TMEM114: variants seen among roughly 807,000 people sequenced by gnomAD.
The protein encoded by TMEM114 is claudin-26.
A neutral mutation model predicts 6.2 loss-of-function variants in TMEM114; 6 were observed. The observed-to-expected ratio is 0.97, with a 90% CI of 0.53 to 1.91. The LOEUF (loss-of-function observed/expected upper bound fraction) is 1.91, where lower values mean the gene tolerates loss of function less well. TMEM114 is among the 40% of genes most tolerant of loss of function. The pLI is 0.01. For synonymous variants in TMEM114, 104 were observed against 73.0 expected (o/e 1.42, Z -2.16); for missense variants, 218 against 158.3 (o/e 1.38, Z -2.02).
rs187153110 is a variant in TMEM114 at position 8,540,070 on chromosome 16, C to T, written n.213-2244G>A. On this transcript the variant is annotated intron_variant and non_coding_transcript_variant, in intron 2 of 2. Coordinates refer to the TMEM114 transcript ENST00000623677. ...CGACCTCAGCCTAAGGTGATCCACC[C>T]GCCTCAGCCTCCCAAAGTGCTGGGA... is the stretch of plus-strand genomic sequence containing the variant. Among the ~76,000 whole-genome samples the T allele has an allele frequency of 1.6e-4, 25 of 152,172 alleles. No homozygotes were observed. In the East Asian group the frequency reaches 2.5e-3, roughly 15 times the overall value.
chr16:8,583,303 G>T (rs1355247136), intron 2 of TMEM114, among the ~76,000 whole-genome samples: 1 of 152,224 alleles, frequency 6.6e-6, no homozygotes, highest in Non-Finnish European at 1.5e-5. Flanking sequence ...AAAAGCTTGA[G>T]GCTCAGGAAG....
At chr16:8,560,603 G>C (rs894677044) in intron 2 of TMEM114, among the ~76,000 whole-genome samples, 2 of 152,206 alleles carry the variant, frequency 1.3e-5, no homozygotes, top group East Asian at 1.9e-4. Flanking sequence ...GAGATTCTGA[G>C]GCTGGAGTTC....
chr16:8,547,556 C>G (rs1454166387), intron 2 of TMEM114, among the ~76,000 whole-genome samples: 2 of 152,186 alleles, frequency 1.3e-5, no homozygotes, highest in African/African-American at 4.8e-5. Flanking sequence ...CTACGCCTGG[C>G]CAATTTTTGT....
chr16:8,574,272 A>C (rs900110321), intron 2 of TMEM114, among the ~76,000 whole-genome samples: 1 of 152,200 alleles, frequency 6.6e-6, no homozygotes, highest in Non-Finnish European at 1.5e-5. Flanking sequence ...CATGAGAATA[A>C]TACTTGTAAA....
At chr16:8,578,915 G>A (rs1902037772) in intron 2 of TMEM114, among the ~76,000 whole-genome samples, 1 of 152,120 alleles carries the variant, frequency 6.6e-6, no homozygotes, top group Non-Finnish European at 1.5e-5. Flanking sequence ...GGAGGCGGAG[G>A]TCACAGTGAG....
downstream of TMEM114, among the ~76,000 whole-genome samples, chr16:8,564,739 G>C (rs1901467566): frequency 6.6e-6 from 1 of 151,452 alleles, no homozygotes; most frequent in Non-Finnish European, 1.5e-5. Flanking sequence ...GTGAGGGAGG[G>C]AGGGAATGAG....
At position 8,563,947 on chromosome 16, in the gene TMEM114, A is replaced by T. The variant is rs192846691; in HGVS notation, n.212+25266T>A. On this transcript the variant is annotated intron_variant and non_coding_transcript_variant, in intron 2 of 2. Coordinates refer to the TMEM114 transcript ENST00000623677. Reference sequence around the variant, plus strand: ...TAAATGAGTGAGTGAACGAGTAAGTAAATGAGTGAGTGAATGAGTGAATGA... The same window carrying T: ...TAAATGAGTGAGTGAACGAGTAAGTTAATGAGTGAGTGAATGAGTGAATGA... Among the ~76,000 whole-genome samples, 68 of 137,406 alleles carry T rather than the reference A, an allele frequency of 4.9e-4. 4 individuals are homozygous for T. The highest frequency in any genetic ancestry group is 1.9e-3 in the African/African-American group (67 of 35,116). The allele number at this position is 137,406 out of a possible 152,430, so 90.1% of individuals were successfully genotyped here. A position where few individuals can be genotyped will look rare whatever the true frequency, so the allele number is the denominator to read the frequency against.
At chr16:8,550,871 A>G (rs575454680) in intron 2 of TMEM114, among the ~76,000 whole-genome samples, 2 of 152,264 alleles carry the variant, frequency 1.3e-5, no homozygotes, top group African/African-American at 2.4e-5. Flanking sequence ...ACAGGATAGA[A>G]CATCCACTGC....
At chr16:8,545,620 G>A (rs1900642374) in intron 2 of TMEM114, among the ~76,000 whole-genome samples, 1 of 152,156 alleles carries the variant, frequency 6.6e-6, no homozygotes, top group Non-Finnish European at 1.5e-5. Flanking sequence ...TTCTAATTCA[G>A]TAGATCATTA....
At chr16:8,537,656 A>G (rs956964115) in exon 3 of TMEM114, 8 of 152,340 alleles carry the variant, frequency 5.3e-5, no homozygotes, top group Admixed American at 1.3e-4. Flanking sequence ...CATAACCATG[A>G]TAATATCATA....
At chr16:8,578,548 A>G (rs1302318577) in intron 2 of TMEM114, among the ~76,000 whole-genome samples, 3 of 152,220 alleles carry the variant, frequency 2.0e-5, no homozygotes, top group Non-Finnish European at 4.4e-5. Flanking sequence ...AATAAGTCAC[A>G]TTCGCAGGTA....
chr16:8,587,757 T>C (rs980487264), intron 2 of TMEM114, among the ~76,000 whole-genome samples: 18,832 of 152,198 alleles, frequency 0.12, 1,255 homozygotes, highest in Middle Eastern at 0.18. Context: ...GCAGGAAGAT[T>C]GCTTGAGCTT....
chr16:8,531,600 A>G, the TMEM114 span, among the ~76,000 whole-genome samples: 1 of 152,304 alleles, frequency 6.6e-6, no homozygotes, highest in South Asian at 2.1e-4. Flanking sequence ...AATCTCAGGA[A>G]CCCCGTCTGA....
chr16:8,579,412 T>C (rs1367628615), intron 2 of TMEM114, among the ~76,000 whole-genome samples: 2 of 152,228 alleles, frequency 1.3e-5, no homozygotes, highest in Non-Finnish European at 2.9e-5. Context: ...CTCAGAGCTA[T>C]GCAGCCCTGT....
At chr16:8,531,975 G>C in the TMEM114 span, 2 of 152,208 alleles carry the variant, frequency 1.3e-5, no homozygotes, top group Non-Finnish European at 2.9e-5. Flanking sequence ...AGCTCTAGCT[G>C]TTTTTGTTTC....
chr16:8,559,038 C>T (rs563797806), intron 2 of TMEM114, among the ~76,000 whole-genome samples: 13 of 150,622 alleles, frequency 8.6e-5, no homozygotes, highest in Non-Finnish European at 1.8e-4. Context: ...CCACTGCACC[C>T]GGCCTCTTTT....
chr16:8,536,481 G>A (rs755438425), downstream of TMEM114, among the ~76,000 whole-genome samples: 13 of 152,068 alleles, frequency 8.5e-5, no homozygotes, highest in Non-Finnish European at 1.8e-4. Context: ...CAACATTAGG[G>A]AATAATGACT....
At chr16:8,572,521 A>T (rs1187977303) in intron 2 of TMEM114, among the ~76,000 whole-genome samples, 1 of 152,162 alleles carries the variant, frequency 6.6e-6, no homozygotes, top group Non-Finnish European at 1.5e-5. Context: ...CTGCAGCCTC[A>T]ACCTCCTGGG....
downstream of TMEM114, among the ~76,000 whole-genome samples, chr16:8,535,031 G>C (rs1596462588): frequency 6.6e-6 from 1 of 152,278 alleles, no homozygotes; most frequent in Non-Finnish European, 1.5e-5. Context: ...TTGGAACTGG[G>C]GCTGGTGCTG....
Sources: allele counts gnomAD v4.1 joint callset (sites outside exome capture counted in the v4.1 genomes callset), GRCh38; gene constraint gnomAD v4.1.1; transcripts MANE v1.5; gene names NCBI Gene and HGNC (gene_info 2026-07-23, HGNC 2026-07-21).